AGAP1: variants seen among roughly 807,000 people sequenced by gnomAD.
AGAP1 encodes arf-GAP with GTPase, ANK repeat and PH domain-containing protein 1.
AGAP1 carries 29 observed loss-of-function variants against 105.3 expected under a neutral mutation model. The ratio of observed to expected loss-of-function variants is 0.28; its 90% CI spans 0.21 to 0.38. The LOEUF is 0.38. Ranked by LOEUF, AGAP1 falls within the 10% of genes least tolerant of loss-of-function variation. AGAP1 has a pLI of 1.00. For synonymous variants in AGAP1, 509 were observed against 485.9 expected (o/e 1.05, Z -0.63); for missense variants, 998 against 1,165.1 (o/e 0.86, Z 2.09).
At chr2:235,703,171 G>A (rs926525000) in intron 1 of AGAP1, among the ~76,000 whole-genome samples, 11 of 151,804 alleles carry the variant, frequency 7.2e-5, no homozygotes, top group Non-Finnish European at 1.2e-4. Context: ...CAAGTGATCC[G>A]CCTGCCTCAG....
chr2:236,016,574 G>A (rs2056711286), intron 13 of AGAP1, among the ~76,000 whole-genome samples: 1 of 152,118 alleles, frequency 6.6e-6, no homozygotes, highest in African/African-American at 2.4e-5. Context: ...GGGCCTTCCT[G>A]GAGACACTGG....
rs554708978 is a variant in AGAP1, at chr2:236,113,234, G to A, written c.2115-6958G>A. ...CAACTCACTGCAACCTCCGCCTCCC[G>A]GGTTCAAGCAATTCTCTGCCTCAGC... On this transcript the variant is annotated intron_variant, in intron 16 of 17. Transcript: ENST00000304032. This position sits in a 1 kb window ranked among gnomAD's most constrained non-coding sequence, Gnocchi z 4.3. Among the ~76,000 whole-genome samples, 22 of 152,002 alleles carry A rather than the reference G, an allele frequency of 1.4e-4. No individual in the cohort carries two copies. Among genetic ancestry groups the A allele is most frequent in the African/African-American group, 4.3e-4 (18 of 41,468 alleles).
In AGAP1 at chr2:235,684,444, C is replaced by T. The variant is rs535843870; in HGVS notation, c.164-24735C>T. ...CAGTTTGGAAAAAACCGTCATTGCC[C>T]AGAATGTCCCATTTACACATTAATT... On this transcript the variant is annotated intron_variant, in intron 1 of 17. Coordinates refer to ENST00000304032, the MANE Select transcript of AGAP1 (RefSeq NM_001037131.3). Among the ~76,000 whole-genome samples the T allele has an allele frequency of 3.9e-5, 6 of 152,266 alleles. No individual in the cohort carries two copies. In the East Asian group the frequency reaches 1.2e-3, roughly 29 times the overall value.
At chr2:235,895,577 T>C (rs952160566) in intron 10 of AGAP1, among the ~76,000 whole-genome samples, 1 of 152,190 alleles carries the variant, frequency 6.6e-6, no homozygotes, top group Non-Finnish European at 1.5e-5. Flanking sequence ...GCACCCATGC[T>C]GTGTGTGCTC....
At chr2:235,987,608 T>C (rs1559727924) in intron 13 of AGAP1, among the ~76,000 whole-genome samples, 2 of 151,952 alleles carry the variant, frequency 1.3e-5, no homozygotes, top group Non-Finnish European at 2.9e-5. Flanking sequence ...GATTAGTTCG[T>C]TGTTGCCTCT....
intron 1 of AGAP1, among the ~76,000 whole-genome samples, chr2:235,675,927 G>A (rs79278327): frequency 0.035 from 5,349 of 152,264 alleles, 123 homozygotes; most frequent in Non-Finnish European, 0.054. Flanking sequence ...TGCTCCAGAG[G>A]TCCTCCAGTG....
Position 235,989,688 on chromosome 2 carries a change from T to C in AGAP1, c.1645+21065T>C, listed in dbSNP as rs1559730150. ...TGGGTGTTGGTTGGAGAAAGAGTCATGAATCAAGGAGCCCAGGAGGACGGG... is the reference window on the plus strand; with the variant it reads ...TGGGTGTTGGTTGGAGAAAGAGTCACGAATCAAGGAGCCCAGGAGGACGGG... On this transcript the variant is annotated intron_variant, in intron 13 of 17. Coordinates refer to ENST00000304032, the MANE Select transcript of AGAP1 (RefSeq NM_001037131.3). The surrounding 1 kb of genome is among the most constrained non-coding windows in gnomAD (Gnocchi z 4.4). Among the ~76,000 whole-genome samples, 1 of 151,974 alleles carries C rather than the reference T, an allele frequency of 6.6e-6. No homozygotes were observed. The highest frequency in any genetic ancestry group is 1.5e-5 in the Non-Finnish European group (1 of 67,968).
rs2049176248 is a variant in AGAP1 at position 235,866,477 on chromosome 2, G to C, written c.1051-16868G>C. Among the ~76,000 whole-genome samples, 1 of 152,160 alleles carries C rather than the reference G, an allele frequency of 6.6e-6. No individual in the cohort carries two copies. Among genetic ancestry groups the C allele is most frequent in the African/African-American group, 2.4e-5 (1 of 41,430 alleles). On this transcript the variant is annotated intron_variant, in intron 9 of 17. Transcript: ENST00000304032. This position sits in a 1 kb window ranked among gnomAD's most constrained non-coding sequence, Gnocchi z 6.1. ...GCGGAAGTCCCCAGTGTGACACCAG[G>C]GCCTGTGGGGCGTATTTGGTGAGAC...
intron 1 of AGAP1, among the ~76,000 whole-genome samples, chr2:235,573,067 CT>C (rs1393631361): frequency 6.0e-5 from 7 of 116,798 alleles, no homozygotes; most frequent in East Asian, 3.3e-4. Context: ...CTTCTTTCTT[CT>C]TTCTTCTTTC....
chr2:236,044,771 A>ACG lies in AGAP1; in HGVS notation c.1891+3931_1891+3932insGC, dbSNP rs2057665241. 6.7e-6 allele frequency among the ~76,000 whole-genome samples: 1 copy of ACG among 150,186 alleles called. No homozygotes were observed. Among genetic ancestry groups the ACG allele is most frequent in the Non-Finnish European group, 1.5e-5 (1 of 67,532 alleles). On this transcript the variant is annotated intron_variant, in intron 15 of 17. Transcript: ENST00000304032. This position sits in a 1 kb window ranked among gnomAD's most constrained non-coding sequence, Gnocchi z 5.7. ...CCCTGACCTCCAGGTTTGAAATCAC[A>ACG]CACACACACACACACACATCCCTAC...
Position 235,888,659 on chromosome 2 carries a change from C to T in AGAP1, c.1155+5210C>T, listed in dbSNP as rs1006940147. Reference sequence around the variant, plus strand: ...TCAGGGCTTCACAGTGAGCTATGATCGTGCCACTGCACTCCAGCTTGGGCG... The same window carrying T: ...TCAGGGCTTCACAGTGAGCTATGATTGTGCCACTGCACTCCAGCTTGGGCG... On this transcript the variant is annotated intron_variant, in intron 10 of 17. Coordinates refer to ENST00000304032, the MANE Select transcript of AGAP1 (RefSeq NM_001037131.3). This position sits in a 1 kb window ranked among gnomAD's most constrained non-coding sequence, Gnocchi z 4.8. 6.6e-6 allele frequency among the ~76,000 whole-genome samples: 1 copy of T among 151,644 alleles called. No homozygotes were observed. The highest frequency in any genetic ancestry group is 1.5e-5 in the Non-Finnish European group (1 of 67,960).
At chr2:235,604,889 A>G (rs1402473746) in intron 1 of AGAP1, among the ~76,000 whole-genome samples, 1 of 123,308 alleles carries the variant, frequency 8.1e-6, no homozygotes, top group Non-Finnish European at 1.7e-5. Flanking sequence ...GCCTATTACC[A>G]TTTTTTTTTG....
intron 11 of AGAP1, among the ~76,000 whole-genome samples, chr2:235,925,017 A>C (rs1559652816): frequency 6.6e-6 from 1 of 152,218 alleles, no homozygotes. Flanking sequence ...TGCTGGTAGC[A>C]GCAGGGAGAG....
intron 13 of AGAP1, among the ~76,000 whole-genome samples, chr2:236,033,904 T>A (rs1447608758): frequency 6.6e-6 from 1 of 152,220 alleles, no homozygotes; most frequent in African/African-American, 2.4e-5. Flanking sequence ...CACTAGAAGA[T>A]CCAATAAATG....
intron 6 of AGAP1, among the ~76,000 whole-genome samples, chr2:235,785,115 T>A (rs940646906): frequency 1.3e-5 from 2 of 152,250 alleles, no homozygotes; most frequent in Admixed American, 6.5e-5. Context: ...CCAAGACATC[T>A]TCTCTCCCCC....
In AGAP1 at chr2:236,082,793, G is replaced by T. The variant is rs1480538243; in HGVS notation, c.2114+33512G>T. Reference sequence around the variant, plus strand: ...GGAGGCTGAGGCAGGAGAATTGCTTGAAACCTGGAGGTGGAGGTTGCAGTG... The same window carrying T: ...GGAGGCTGAGGCAGGAGAATTGCTTTAAACCTGGAGGTGGAGGTTGCAGTG... On this transcript the variant is annotated intron_variant, in intron 16 of 17. Transcript: ENST00000304032. This position sits in a 1 kb window ranked among gnomAD's most constrained non-coding sequence, Gnocchi z 4.2. Among the ~76,000 whole-genome samples the T allele has an allele frequency of 6.6e-6, 1 of 152,122 alleles. No individual in the cohort carries two copies. Among genetic ancestry groups the T allele is most frequent in the East Asian group, 1.9e-4 (1 of 5,180 alleles).
chr2:235,886,838 A>C (rs935400154), intron 10 of AGAP1, among the ~76,000 whole-genome samples: 4 of 152,134 alleles, frequency 2.6e-5, no homozygotes, highest in Non-Finnish European at 1.5e-5. Flanking sequence ...GCATTGGATA[A>C]AAGTGTGGAG....
intron 1 of AGAP1, among the ~76,000 whole-genome samples, chr2:235,571,575 T>G (rs1944515916): frequency 6.6e-6 from 1 of 152,220 alleles, no homozygotes; most frequent in Non-Finnish European, 1.5e-5. Flanking sequence ...CACCTACACT[T>G]CCTTTGTATC....
At chr2:235,929,083 T>C (rs1039989983) in intron 11 of AGAP1, among the ~76,000 whole-genome samples, 4 of 152,164 alleles carry the variant, frequency 2.6e-5, no homozygotes, top group Admixed American at 6.5e-5. Context: ...CTCAAGACCC[T>C]ACATGTAAGC....
Sources: gnomAD v4.1 joint callset for allele counts (sites outside exome capture counted in the v4.1 genomes callset) on GRCh38, gnomAD v4.1.1 for gene constraint, Gnocchi (gnomAD v3.1) non-coding constraint, MANE v1.5 for transcripts, NCBI Gene and HGNC (gene_info 2026-07-23, HGNC 2026-07-21) for gene names.